Variants in ZNF18 observed in about 807,000 individuals in gnomAD.
ZNF18 encodes the protein heart development-specific gene 1 protein.
A neutral mutation model predicts 58.1 loss-of-function variants in ZNF18; 42 were observed. The observed-to-expected ratio is 0.72, with a 90% CI of 0.56 to 0.93. The LOEUF (loss-of-function observed/expected upper bound fraction) is 0.93, where lower values mean the gene tolerates loss of function less well. Ranked by LOEUF, ZNF18 falls within the 40% of genes least tolerant of loss-of-function variation. The pLI, the probability that ZNF18 is intolerant of heterozygous loss-of-function variation, is 0.00. For synonymous variants in ZNF18, 231 were observed against 239.8 expected, an observed-to-expected ratio of 0.96 and a Z score of 0.34; for missense variants, 540 against 644.2, an observed-to-expected ratio of 0.84 and a Z score of 1.75.
At chr17:12,010,813 T>G in the ZNF18 span, 1 of 421,014 alleles carries the variant, frequency 2.4e-6, no homozygotes, top group Non-Finnish European at 4.4e-6. Context: ...GAAGTGTGCT[T>G]TTCTGGGCAG....
rs748501914 is a variant in ZNF18 at position 11,978,403 on chromosome 17, G to A, written c.1204C>T (p.Pro402Ser). 6 of 1,546,106 alleles carry A rather than the reference G, an allele frequency of 3.9e-6. No individual in the cohort carries two copies. The highest frequency in any genetic ancestry group is 2.1e-5 in the Admixed American group (1 of 48,658). ...ETSQKGQPRA[P>S]MAQKLPTCRE... Reference sequence around the variant, plus strand: ...CAGGTGGGGAGCTTCTGGGCCATGGGGGCTCTTGGCTGCCCCTTCTGGGAG... The same window carrying A: ...CAGGTGGGGAGCTTCTGGGCCATGGAGGCTCTTGGCTGCCCCTTCTGGGAG... The change falls in exon 7 of 7, where the codon CCC becomes TCC. Residue 402 changes from proline (P) to serine (S), a missense_variant. Physicochemically the swap from Pro to Ser is moderately conservative, Grantham distance 74 (BLOSUM62 -1). Coordinates refer to ENST00000580306, the MANE Select transcript of ZNF18 (RefSeq NM_001303281.2).
At chr17:12,011,219 C>A in the ZNF18 span, 1 of 512,908 alleles carries the variant, frequency 1.9e-6, no homozygotes, top group Non-Finnish European at 3.6e-6. Context: ...ACTTTGTGTT[C>A]ATCATTTTGG....
chr17:12,008,411 G>T, the ZNF18 span, among the ~76,000 whole-genome samples: 9 of 152,080 alleles, frequency 5.9e-5, no homozygotes, highest in African/African-American at 2.2e-4. Flanking sequence ...CGTTGCCCAG[G>T]CTAGGCTTGA....
rs2151465628 is a variant in ZNF18, at chr17:11,978,337, T to C, written c.1270A>G (p.Ile424Val). Residue 424 changes from isoleucine to valine, a missense_variant, in exon 7 of 7, where the codon ATT (isoleucine) becomes GTT (valine). Coordinates refer to ENST00000580306, the MANE Select transcript of ZNF18 (RefSeq NM_001303281.2). ...CCGGTGTGAGTTCTTTGGTGAAAAATAAGCTGAGAATTCCTATAAAAGGTC... is the reference window on the plus strand; with the variant it reads ...CCGGTGTGAGTTCTTTGGTGAAAAACAAGCTGAGAATTCCTATAAAAGGTC... Reference protein sequence around the residue: ...GKTFYRNSQLIFHQRTHTGET... With the variant: ...GKTFYRNSQLVFHQRTHTGET... The C allele has an allele frequency of 6.3e-7, 1 of 1,585,662 alleles. No homozygotes were observed. The highest frequency in any genetic ancestry group is 8.6e-7 in the Non-Finnish European group (1 of 1,168,660).
At chr17:11,993,979 G>A (rs556229151) in intron 1 of ZNF18, among the ~76,000 whole-genome samples, 51 of 151,750 alleles carry the variant, frequency 3.4e-4, no homozygotes, top group Non-Finnish European at 6.3e-4. Flanking sequence ...ATATTAAATC[G>A]CAAATAATAT....
the ZNF18 span, among the ~76,000 whole-genome samples, chr17:12,003,344 C>A: frequency 6.6e-6 from 1 of 150,838 alleles, no homozygotes; most frequent in Non-Finnish European, 1.5e-5. Context: ...GAGGCTGAGG[C>A]AGGAGAATCA....
At chr17:11,990,619 A>C (rs1968055931) in intron 3 of ZNF18, 69 bp from the exon 4 acceptor site, 1 of 1,254,394 alleles carries the variant, frequency 8.0e-7, no homozygotes, top group Non-Finnish European at 1.1e-6. Context: ...GGGCGCAGAT[A>C]ACAATCTTCA....
intron 1 of ZNF18, among the ~76,000 whole-genome samples, chr17:11,996,089 G>A (rs1161600100): frequency 6.6e-6 from 1 of 151,930 alleles, no homozygotes; most frequent in Non-Finnish European, 1.5e-5. Flanking sequence ...CCCAATTTAT[G>A]GAAATTACTA....
rs2151482764 is a variant in ZNF18, at chr17:11,991,047, C to A, written c.504G>T (p.Glu168Asp). 6.2e-7 allele frequency: 1 copy of A among 1,614,174 alleles called. No homozygotes were observed. The highest frequency in any genetic ancestry group is 8.5e-7 in the Non-Finnish European group (1 of 1,180,026). The part of the protein sequence containing the change: ...LEVVPQELGL[E>D]NSSSGPGELL... ...GCTCCCCAGGCCCTGAGGATGAATT[C>A]TCAAGTCCCAACTCCTGAGGCACCA... Residue 168 changes from glutamate to aspartate, a missense_variant, in exon 3 of 7, where the codon GAG (glutamate) becomes GAT (aspartate). Glu to Asp is a conservative substitution (Grantham distance 45). Transcript: ENST00000580306.
intron 1 of ZNF18, among the ~76,000 whole-genome samples, chr17:11,994,654 A>C (rs1968347568): frequency 6.6e-6 from 1 of 151,948 alleles, no homozygotes; most frequent in South Asian, 2.1e-4. Flanking sequence ...ATCCTGGCTA[A>C]CACGGTGAAA....
At chr17:11,999,689 T>C (rs972680598), upstream of ZNF18, among the ~76,000 whole-genome samples, 3 of 152,202 alleles carry the variant, frequency 2.0e-5, no homozygotes, top group Admixed American at 6.5e-5. Flanking sequence ...CCAAGACTTA[T>C]ATTTTGTAGG....
At chr17:12,019,215 T>C in the ZNF18 span, among the ~76,000 whole-genome samples, 1 of 151,862 alleles carries the variant, frequency 6.6e-6, no homozygotes, top group Non-Finnish European at 1.5e-5. Context: ...CCACCCGCCT[T>C]GGCCTCCCAA....
Position 11,991,007 on chromosome 17 carries a change from C to G in ZNF18, c.544G>C (p.Val182Leu). Residue 182 changes from valine (V) to leucine (L), a missense_variant, in exon 3 of 7, where the codon GTG (valine) becomes CTG (leucine). Physicochemically the swap from Val to Leu is conservative, Grantham distance 32. Transcript: ENST00000580306. ...SGPGELLSHI[V>L]KEESDTEAEL... ...GCTTCTGTGTCAGATTCCTCTTTCA[C>G]GATGTGGCTCAGAAGCTCCCCAGGC... is the stretch of plus-strand genomic sequence containing the variant. The G allele has an allele frequency of 1.2e-6, 2 of 1,614,120 alleles. No individual in the cohort carries two copies. The highest frequency in any genetic ancestry group is 1.7e-6 in the Non-Finnish European group (2 of 1,179,998).
chr17:11,998,830 T>A (rs1471012223), upstream of ZNF18, among the ~76,000 whole-genome samples: 1 of 147,546 alleles, frequency 6.8e-6, no homozygotes, highest in East Asian at 2.0e-4. Flanking sequence ...GTCTTTTTTT[T>A]TTTTTTTTTT....
intron 6 of ZNF18, among the ~76,000 whole-genome samples, chr17:11,980,747 C>T (rs1268020538): frequency 6.6e-5 from 10 of 152,144 alleles, no homozygotes; most frequent in Non-Finnish European, 1.5e-4. Flanking sequence ...TACAGACCAG[C>T]ATCTCTTTTC....
At chr17:11,983,252 G>A in intron 6 of ZNF18, 45 bp downstream of exon 6, 7 of 1,448,586 alleles carry the variant, frequency 4.8e-6, no homozygotes, top group African/African-American at 1.4e-5. Flanking sequence ...CCAATTTAAT[G>A]ACAGGCAGTC....
At position 11,983,397 on chromosome 17, in the gene ZNF18, G is replaced by A. The variant is rs985731727; in HGVS notation, c.762C>T (p.Ser254=). Residue 254 remains serine (S), a synonymous_variant, in exon 6 of 7, where the codon TCC becomes TCT. Coordinates refer to ENST00000580306, the MANE Select transcript of ZNF18 (RefSeq NM_001303281.2). ...AATTAGTCAGGTCAGATTTGGGATG[G>A]GAAATGCCTGCTATAGAGAGAAAGA... The part of the protein sequence containing the change: ...YGKMVSGAGI[S]HPKSDLTNSI... The A allele has an allele frequency of 6.2e-7, 1 of 1,613,420 alleles. No individual in the cohort carries two copies. The highest frequency in any genetic ancestry group is 8.5e-7 in the Non-Finnish European group (1 of 1,179,390).
At chr17:11,982,699 T>TGC (rs56065701) in intron 6 of ZNF18, among the ~76,000 whole-genome samples, 1 of 149,240 alleles carries the variant, frequency 6.7e-6, no homozygotes. Flanking sequence ...TGTGTGTGTG[T>TGC]AGGTTTCGCA....
In ZNF18 at chr17:11,978,225, T is replaced by C. The variant is rs1967109168; in HGVS notation, c.1382A>G (p.Glu461Gly). The C allele has an allele frequency of 6.2e-7, 1 of 1,613,924 alleles. No individual in the cohort carries two copies. The stretch of plus-strand genomic sequence containing the variant: ...ACAGTAATCACATTTACAGGGCTTC[T>C]CTCCCGTGTGAGTTCTCTGATGCTT... ...FVKHQRTHTG[E>G]KPCKCDYCGK... The change falls in exon 7 of 7, where the codon GAG becomes GGG. Residue 461 changes from glutamate (E) to glycine (G), a missense_variant. By Grantham distance (98) the Glu-to-Gly change is moderately conservative. Coordinates refer to ENST00000580306, the MANE Select transcript of ZNF18 (RefSeq NM_001303281.2).
Sources: gnomAD v4.1 joint callset for allele counts (sites outside exome capture counted in the v4.1 genomes callset) on GRCh38, gnomAD v4.1.1 for gene constraint, MANE v1.5 for transcripts, NCBI Gene and HGNC (gene_info 2026-07-23, HGNC 2026-07-21) for gene names.